The following EPHA8 variants were observed in gnomAD, a reference collection of about 807,000 sequenced individuals.
EPHA8 encodes the protein EPH receptor A8.
EPHA8 carries 58 observed loss-of-function variants against 103.6 expected under a neutral mutation model. The observed-to-expected ratio is 0.56, with a 90% CI of 0.45 to 0.70. The LOEUF (loss-of-function observed/expected upper bound fraction) is 0.70, where lower values mean the gene tolerates loss of function less well. Among genes scored for constraint, EPHA8 ranks in the 30% least tolerant of loss-of-function variants. The pLI, the probability that EPHA8 is intolerant of heterozygous loss-of-function variation, is 0.00. For missense variants in EPHA8, 1,304 were observed against 1,395.2 expected (o/e 0.93, Z 1.04); for synonymous variants, 559 against 572.5 (o/e 0.98, Z 0.34).
At chr1:22,581,047 G>T (rs1451814865) in intron 3 of EPHA8, among the ~76,000 whole-genome samples, 1 of 152,232 alleles carries the variant, frequency 6.6e-6, no homozygotes, top group Non-Finnish European at 1.5e-5. Flanking sequence ...GGTACAGGGA[G>T]TCCCTGCCTC....
Position 22,576,990 on chromosome 1 carries a change from C to A in EPHA8, c.823+110C>A. 1 of 1,252,428 alleles carries A rather than the reference C, an allele frequency of 8.0e-7. No homozygotes were observed. The highest frequency in any genetic ancestry group is 1.1e-6 in the Non-Finnish European group (1 of 929,668). 77.6% of individuals were successfully genotyped at this position (1,252,428 alleles called of 1,614,324 possible). The stretch of plus-strand genomic sequence containing the variant: ...AGAGCCCACAGGCACCTGAGTGACC[C>A]ACACAGCCCCTGGGAAGATGGATAA... On this transcript the variant is annotated intron_variant, in intron 3 of 16. Transcript: ENST00000166244. The surrounding 1 kb of genome is among the most constrained non-coding windows in gnomAD (Gnocchi z 4.8).
chr1:22,586,701 C>A, intron 4 of EPHA8, 66 bp downstream of exon 4: 2 of 1,573,150 alleles, frequency 1.3e-6, no homozygotes, highest in Non-Finnish European at 1.7e-6. Flanking sequence ...TGTGTTTGGT[C>A]CTCCAGGCCT....
At chr1:22,585,158 C>T (rs1027849806) in intron 3 of EPHA8, among the ~76,000 whole-genome samples, 4 of 151,878 alleles carry the variant, frequency 2.6e-5, no homozygotes, top group Non-Finnish European at 5.9e-5. Context: ...GCGGGCACAG[C>T]CTGTGCAAAG....
chr1:22,585,050 T>TGTGTGTGCGCGCGCGC (rs71020436), intron 3 of EPHA8, among the ~76,000 whole-genome samples: 25 of 93,494 alleles, frequency 2.7e-4, no homozygotes, highest in Non-Finnish European at 4.9e-4. Context: ...TGTGTGTGTG[T>TGTGTGTGCGCGCGCGC]GCGCACGCGT....
intron 3 of EPHA8, among the ~76,000 whole-genome samples, chr1:22,585,025 C>CTGTGTGTGTG (rs1641153200): frequency 9.8e-6 from 1 of 101,798 alleles, no homozygotes; most frequent in African/African-American, 6.5e-5. Context: ...ATGGTCGTTT[C>CTGTGTGTGTG]TCTGTGTGTG....
Position 22,597,710 on chromosome 1 carries a change from G to C in EPHA8, c.1965G>C (p.Arg655=), listed in dbSNP as rs780487302. The C allele has an allele frequency of 3.1e-6, 5 of 1,612,298 alleles. No individual in the cohort carries two copies. The highest frequency in any genetic ancestry group is 4.2e-6 in the Non-Finnish European group (5 of 1,179,540). ...DSGEVCYGRL[R]VPGQRDVPVA... ...GGGAAGTCTGCTACGGGAGGCTGCGGGTGCCAGGGCAGCGGGATGTGCCCG... is the reference window on the plus strand; with the variant it reads ...GGGAAGTCTGCTACGGGAGGCTGCGCGTGCCAGGGCAGCGGGATGTGCCCG... Residue 655 remains arginine (R), a synonymous_variant, in exon 11 of 17, where the codon CGG becomes CGC. Transcript: ENST00000166244. The surrounding 1 kb of genome is among the most constrained non-coding windows in gnomAD (Gnocchi z 4.6).
rs1216823619 is a variant in EPHA8, at chr1:22,600,910, G to A, written c.2551G>A (p.Val851Met). 1 of 1,608,404 alleles carries A rather than the reference G, an allele frequency of 6.2e-7. No homozygotes were observed. The highest frequency in any genetic ancestry group is 1.7e-5 in the Admixed American group (1 of 59,678). ...TGATCCCCTGCAGGTCATCAGCTCT[G>A]TGGAGGAGGGGTACCGCCTGCCCGC... is the stretch of plus-strand genomic sequence containing the variant. ...NMTNRDVISS[V>M]EEGYRLPAPM... The change falls in exon 15 of 17, where the codon GTG becomes ATG. Residue 851 changes from valine to methionine, a missense_variant. Val to Met is a conservative substitution (Grantham distance 21, BLOSUM62 1). Coordinates refer to ENST00000166244, the MANE Select transcript of EPHA8 (RefSeq NM_020526.5).
intron 2 of EPHA8, among the ~76,000 whole-genome samples, chr1:22,574,576 G>C (rs974613031): frequency 6.6e-6 from 1 of 152,068 alleles, no homozygotes; most frequent in Non-Finnish European, 1.5e-5. Context: ...TTTGTTTTTT[G>C]TTTCTAGCTT....
chr1:22,596,142 CGAG>C lies in EPHA8; in HGVS notation c.1738_1740del (p.Glu580del). The C allele has an allele frequency of 6.2e-7, 1 of 1,613,892 alleles. No individual in the cohort carries two copies. On this transcript the variant is annotated inframe_deletion, in exon 9 of 17. Transcript: ENST00000166244. ...ACAGCAAGGCCTTCCAGGACTCGGA[CGAG>C]GAGAAGATGCACTATCAGAATGGAC...
At chr1:22,581,962 A>G (rs370065841) in intron 3 of EPHA8, among the ~76,000 whole-genome samples, 24 of 152,318 alleles carry the variant, frequency 1.6e-4, no homozygotes, top group South Asian at 8.3e-4. Context: ...CCTTTCACAA[A>G]TGGGAGCCAG....
intron 8 of EPHA8, 99 bp from the exon 9 acceptor site, chr1:22,596,007 G>T: frequency 9.3e-7 from 1 of 1,073,118 alleles, no homozygotes; most frequent in South Asian, 1.4e-5. Flanking sequence ...GTCAGGGGAA[G>T]GGGCATGAAG....
In EPHA8 at chr1:22,598,105, C is replaced by T. The variant is rs754956498; in HGVS notation, c.2117-46C>T. 6.3e-7 allele frequency: 1 copy of T among 1,592,534 alleles called. No homozygotes were observed. Among genetic ancestry groups the T allele is most frequent in the Non-Finnish European group, 8.6e-7 (1 of 1,161,292 alleles). The stretch of plus-strand genomic sequence containing the variant: ...GCTCCTGGGGTCTCTGATCAGCAGC[C>T]CTGAGCCCCAAACCAAGAGCCACCC... On this transcript the variant is annotated intron_variant, in intron 11 of 16. Coordinates refer to ENST00000166244, the MANE Select transcript of EPHA8 (RefSeq NM_020526.5). This position sits in a 1 kb window ranked among gnomAD's most constrained non-coding sequence, Gnocchi z 5.1.
In EPHA8 at chr1:22,576,768, A is replaced by G. The variant is rs771292426; in HGVS notation, c.711A>G (p.Ser237=). Residue 237 remains serine, a synonymous_variant, in exon 3 of 17, where the codon TCA becomes TCG. Transcript: ENST00000166244. This position sits in a 1 kb window ranked among gnomAD's most constrained non-coding sequence, Gnocchi z 4.8. ...TGAGGGGCCAGTGCGTGCGGCACTC[A>G]GAGGAGCGGGACACACCCAAGATGT... ...VEVRGQCVRH[S]EERDTPKMYC... 14 of 1,613,684 alleles carry G rather than the reference A, an allele frequency of 8.7e-6. 1 individual carries two copies.
Position 22,576,984 on chromosome 1 carries a change from G to A in EPHA8, c.823+104G>A, listed in dbSNP as rs1304785261. ...GACGTCAGAGCCCACAGGCACCTGA[G>A]TGACCCACACAGCCCCTGGGAAGAT... On this transcript the variant is annotated intron_variant, in intron 3 of 16. Transcript: ENST00000166244. This position sits in a 1 kb window ranked among gnomAD's most constrained non-coding sequence, Gnocchi z 4.8. The A allele has an allele frequency of 7.6e-7, 1 of 1,316,072 alleles. No individual in the cohort carries two copies. Among genetic ancestry groups the A allele is most frequent in the Non-Finnish European group, 1.0e-6 (1 of 984,518 alleles). 81.5% of individuals were successfully genotyped at this position (1,316,072 alleles called of 1,614,324 possible).
intron 2 of EPHA8, among the ~76,000 whole-genome samples, chr1:22,570,283 C>A (rs10917251): frequency 0.031 from 4,659 of 152,030 alleles, 247 homozygotes; most frequent in African/African-American, 0.11. Context: ...CACATGCACG[C>A]GCGTACACAC....
chr1:22,589,839 G>A lies in EPHA8; in HGVS notation c.1315+633G>A, dbSNP rs926874991. 1.6e-4 allele frequency among the ~76,000 whole-genome samples: 25 copies of A among 152,054 alleles called. No homozygotes were observed. The highest frequency in any genetic ancestry group is 3.4e-4 in the Non-Finnish European group (23 of 68,000). ...CTCCTAGGGCAGCTTCCTATTAACA[G>A]CCACCCTCACCTGTGCCCAAGACCC... On this transcript the variant is annotated intron_variant, in intron 5 of 16. Transcript: ENST00000166244. This position sits in a 1 kb window ranked among gnomAD's most constrained non-coding sequence, Gnocchi z 4.3.
Position 22,597,301 on chromosome 1 carries a change from C to T in EPHA8, c.1766-11C>T. 1 of 1,593,166 alleles carries T rather than the reference C, an allele frequency of 6.3e-7. No homozygotes were observed. Among genetic ancestry groups the T allele is most frequent in the Non-Finnish European group, 8.6e-7 (1 of 1,165,084 alleles). On this transcript the variant is annotated splice_polypyrimidine_tract_variant and intron_variant, in intron 9 of 16. Transcript: ENST00000166244. The surrounding 1 kb of genome is among the most constrained non-coding windows in gnomAD (Gnocchi z 4.6). ...CTGGGCCCCACTGAAGGCCCTCCTC[C>T]CGCCCCTCAGCACCCCCACCTGTCT...
rs1640453390 is a variant in EPHA8 at position 22,569,178 on chromosome 1, G to A, written c.95-111G>A. 1 of 1,010,894 alleles carries A rather than the reference G, an allele frequency of 9.9e-7. No individual in the cohort carries two copies. Among genetic ancestry groups the A allele is most frequent in the East Asian group, 2.5e-5 (1 of 40,384 alleles). The allele number at this position is 1,010,894 out of a possible 1,614,324, so 62.6% of individuals were successfully genotyped here. A position where few individuals can be genotyped will look rare whatever the true frequency, so the allele number is the denominator to read the frequency against. ...GGCATTCAGGCAGAGGGACCCGTGT[G>A]AGCTGTGTGCTGGGGGCTGAGTGTG... On this transcript the variant is annotated intron_variant, in intron 1 of 16. Transcript: ENST00000166244. The surrounding 1 kb of genome is among the most constrained non-coding windows in gnomAD (Gnocchi z 4.5).
chr1:22,595,993 A>C (rs1570025204), intron 8 of EPHA8, 113 bp from the exon 9 acceptor site: 6 of 916,538 alleles, frequency 6.5e-6, no homozygotes, highest in Non-Finnish European at 1.0e-5. Context: ...GCAGGAGCTG[A>C]CCTGTCAGGG....
Sources: allele counts gnomAD v4.1 joint callset (sites outside exome capture counted in the v4.1 genomes callset), GRCh38; gene constraint gnomAD v4.1.1; non-coding constraint Gnocchi (gnomAD v3.1); transcripts MANE v1.5; gene names NCBI Gene and HGNC (gene_info 2026-07-23, HGNC 2026-07-21).